The following XPO7 variants were observed in gnomAD, a reference collection of about 807,000 sequenced individuals.
The protein encoded by XPO7 is exportin-7.
XPO7 carries 21 observed loss-of-function variants against 144.3 expected under a neutral mutation model. That is an observed-to-expected ratio of 0.15 (90% CI 0.10 to 0.21). The LOEUF is 0.21. XPO7 is among the 10% of genes least tolerant of loss of function. The pLI, the probability that XPO7 is intolerant of heterozygous loss-of-function variation, is 1.00. For synonymous variants in XPO7, 580 were observed against 499.6 expected (o/e 1.16, Z -2.15); for missense variants, 808 against 1,325.8 (o/e 0.61, Z 6.06).
intron 8 of XPO7, among the ~76,000 whole-genome samples, chr8:21,978,076 C>T (rs1812284977): frequency 6.6e-6 from 1 of 150,528 alleles, no homozygotes; most frequent in Non-Finnish European, 1.5e-5. Context: ...TGGTCAAGCT[C>T]TTTTGGGTCT....
In XPO7 at chr8:21,963,392, G is replaced by T. The variant is rs867249447; in HGVS notation, c.19-3465G>T. Among the ~76,000 whole-genome samples, 3 of 152,260 alleles carry T rather than the reference G, an allele frequency of 2.0e-5. No homozygotes were observed. The South Asian group carries it at 6.2e-4, about 32-fold the overall frequency. On this transcript the variant is annotated intron_variant, in intron 1 of 27. Transcript: ENST00000252512. ...CTCTCCATGCGGATTTTTTAAAGCA[G>T]TGAGGCTAATTTAAAAGTATAGACC...
At chr8:21,965,456 T>C (rs946525259) in intron 1 of XPO7, among the ~76,000 whole-genome samples, 5 of 152,222 alleles carry the variant, frequency 3.3e-5, no homozygotes, top group Non-Finnish European at 7.3e-5. Context: ...CTCTGTGCTT[T>C]TGAATTGAAG....
Position 21,995,514 on chromosome 8 carries a change from C to G in XPO7, c.2260C>G (p.Leu754Val). ...EWIYPSYMPI[L>V]QRAIELWYHD... Reference sequence around the variant, plus strand: ...CAGATATCCATCCTATATGCCAATTCTCCAACGGGCAATTGAGCTCTGGTA... The same window carrying G: ...CAGATATCCATCCTATATGCCAATTGTCCAACGGGCAATTGAGCTCTGGTA... The change falls in exon 21 of 28, where the codon CTC (leucine) becomes GTC (valine). Residue 754 changes from leucine to valine, a missense_variant. Physicochemically the swap from Leu to Val is conservative, Grantham distance 32 (BLOSUM62 1). Coordinates refer to ENST00000252512, the MANE Select transcript of XPO7 (RefSeq NM_015024.5). 1.9e-6 allele frequency: 3 copies of G among 1,609,256 alleles called. No homozygotes were observed. The highest frequency in any genetic ancestry group is 2.5e-6 in the Non-Finnish European group (3 of 1,177,602).
At position 21,970,044 on chromosome 8, in the gene XPO7, A is replaced by T. The variant is rs141079444; in HGVS notation, c.260-100A>T. ...AGTTTGGGTTAAATAGTCTAAATTTATAATTTCTTGGCCATTTAGCATGTC... is the reference window on the plus strand; with the variant it reads ...AGTTTGGGTTAAATAGTCTAAATTTTTAATTTCTTGGCCATTTAGCATGTC... On this transcript the variant is annotated intron_variant, in intron 3 of 27. Transcript: ENST00000252512. 4.4e-4 allele frequency: 594 copies of T among 1,341,384 alleles called. 5 individuals carry two copies. In the African/African-American group the frequency reaches 8.0e-3, roughly 18 times the overall value. 83.1% of individuals were successfully genotyped at this position (1,341,384 alleles called of 1,614,324 possible).
intron 1 of XPO7, chr8:21,921,333 C>T (rs1412805586): frequency 2.0e-5 from 3 of 152,126 alleles, no homozygotes; most frequent in Admixed American, 2.0e-4. Context: ...TAAGGTAAGT[C>T]TAAGTGTCCC....
intron 1 of XPO7, among the ~76,000 whole-genome samples, chr8:21,943,101 TTA>T (rs1226214249): frequency 3.9e-5 from 6 of 152,240 alleles, no homozygotes; most frequent in African/African-American, 1.2e-4. Context: ...AGCTTAGCTC[TTA>T]CAGACCTCCT....
intron 19 of XPO7, among the ~76,000 whole-genome samples, chr8:21,992,453 A>G (rs572128952): frequency 3.9e-5 from 6 of 152,322 alleles, no homozygotes; most frequent in Non-Finnish European, 5.9e-5. Context: ...CATTTTCATT[A>G]TTCAGTTTTT....
At position 22,002,366 on chromosome 8, in the gene XPO7, A is replaced by G. The variant is rs1813180025; in HGVS notation, c.2943+94A>G. The G allele has an allele frequency of 1.3e-5, 19 of 1,420,722 alleles. No individual in the cohort carries two copies. In the South Asian group the frequency reaches 2.2e-4, roughly 17 times the overall value. The allele number at this position is 1,420,722 out of a possible 1,614,324, so 88.0% of individuals were successfully genotyped here. A position where few individuals can be genotyped will look rare whatever the true frequency, so the allele number is the denominator to read the frequency against. On this transcript the variant is annotated intron_variant, in intron 25 of 27. Transcript: ENST00000252512. ...GGAGCCCACACACGATTAACATGAC[A>G]TCTCATCAGGTTCCTGCTGCTGAGA...
chr8:21,980,792 T>G (rs978074027), intron 9 of XPO7, among the ~76,000 whole-genome samples: 2 of 151,042 alleles, frequency 1.3e-5, no homozygotes, highest in African/African-American at 4.9e-5. Context: ...AAAAAAAAAC[T>G]AACATTTGGT....
At position 21,966,193 on chromosome 8, in the gene XPO7, C is replaced by T. The variant is rs192283642; in HGVS notation, c.19-664C>T. 9.4e-5 allele frequency: 67 copies of T among 716,384 alleles called. 2 individuals are homozygous for T. The Admixed American group carries it at 1.3e-3, about 14-fold the overall frequency. The allele number at this position is 716,384 out of a possible 1,614,324, so 44.4% of individuals were successfully genotyped here. On this transcript the variant is annotated intron_variant, in intron 1 of 27. Transcript: ENST00000252512. ...TTCCCTTGTCTTATCTGTGAGTGAG[C>T]ATATGCTAGGGTTGAATTTATTTTG...
At chr8:21,994,534 G>A in intron 20 of XPO7, 83 bp downstream of exon 20, 1 of 1,271,568 alleles carries the variant, frequency 7.9e-7, no homozygotes, top group South Asian at 1.3e-5. Context: ...GACGGTGTAG[G>A]GGGAAGGGAG....
At chr8:21,959,856 A>C (rs150322314) in intron 1 of XPO7, among the ~76,000 whole-genome samples, 102 of 152,288 alleles carry the variant, frequency 6.7e-4, no homozygotes, top group Non-Finnish European at 1.2e-3. Context: ...AAGTTAACTC[A>C]CCCACAGTCA....
At chr8:21,977,408 G>A (rs1038401861) in intron 7 of XPO7, among the ~76,000 whole-genome samples, 20 of 152,184 alleles carry the variant, frequency 1.3e-4, no homozygotes, top group African/African-American at 4.3e-4. Context: ...GTGAAACCCC[G>A]TCTCTACTAA....
At chr8:21,976,548 GCTGT>G in intron 7 of XPO7, 27 bp downstream of exon 7, 1 of 1,598,798 alleles carries the variant, frequency 6.3e-7, no homozygotes, top group Non-Finnish European at 8.5e-7. Context: ...CACCTCAAAG[GCTGT>G]CTGTCACTCC....
At chr8:21,929,349 T>A (rs1274804175) in intron 1 of XPO7, among the ~76,000 whole-genome samples, 1 of 152,214 alleles carries the variant, frequency 6.6e-6, no homozygotes, top group African/African-American at 2.4e-5. Flanking sequence ...TGCAAATGGA[T>A]ATATTTTGTT....
chr8:21,985,572 G>C lies in XPO7; in HGVS notation c.1472-14G>C, dbSNP rs1248098581. ...TATCACTGGAGGTGACACTGGGTCT[G>C]TCTCCTGCTGCAGGAAGGCTGACAT... is the stretch of plus-strand genomic sequence containing the variant. On this transcript the variant is annotated splice_polypyrimidine_tract_variant and intron_variant, in intron 12 of 27. Coordinates refer to ENST00000252512, the MANE Select transcript of XPO7 (RefSeq NM_015024.5). The C allele has an allele frequency of 6.2e-7, 1 of 1,613,478 alleles. No homozygotes were observed. Among genetic ancestry groups the C allele is most frequent in the Non-Finnish European group, 8.5e-7 (1 of 1,179,416 alleles).
intron 20 of XPO7, 96 bp from the exon 21 acceptor site, chr8:21,995,396 A>G: frequency 1.0e-6 from 1 of 952,528 alleles, no homozygotes; most frequent in East Asian, 2.7e-5. Flanking sequence ...AAAGAACTGT[A>G]GTTTGACAAG....
chr8:21,935,704 GA>G (rs1446836540), intron 1 of XPO7, among the ~76,000 whole-genome samples: 2 of 152,178 alleles, frequency 1.3e-5, no homozygotes, highest in African/African-American at 4.8e-5. Flanking sequence ...TAGTGTAGTA[GA>G]AGGTTAAATA....
intron 21 of XPO7, among the ~76,000 whole-genome samples, chr8:21,997,594 C>T (rs1272900019): frequency 6.6e-6 from 1 of 152,034 alleles, no homozygotes; most frequent in African/African-American, 2.4e-5. Context: ...GCAGGTCAGA[C>T]CAGTGAGCAG....
Sources: gnomAD v4.1 joint callset for allele counts (sites outside exome capture counted in the v4.1 genomes callset) on GRCh38, gnomAD v4.1.1 for gene constraint, MANE v1.5 for transcripts, NCBI Gene and HGNC (gene_info 2026-07-23, HGNC 2026-07-21) for gene names.